The following AKAP9 variants were observed in gnomAD, a reference collection of about 807,000 sequenced individuals.
AKAP9 encodes A-kinase anchor protein 9.
AKAP9 carries 311 observed loss-of-function variants against 488.5 expected under a neutral mutation model. That is an observed-to-expected ratio of 0.64 (90% CI 0.58 to 0.70). The LOEUF (loss-of-function observed/expected upper bound fraction) is 0.70, where lower values mean the gene tolerates loss of function less well. AKAP9 is among the 30% of genes least tolerant of loss of function. The pLI is 0.00. For synonymous variants in AKAP9, 1,462 were observed against 1,483.5 expected (o/e 0.99, Z 0.33); for missense variants, 4,215 against 4,374.5 (o/e 0.96, Z 1.03).
At chr7:92,051,097 C>G (rs1807901862) in intron 21 of AKAP9, among the ~76,000 whole-genome samples, 1 of 152,042 alleles carries the variant, frequency 6.6e-6, no homozygotes, top group Non-Finnish European at 1.5e-5. Flanking sequence ...TATAGCAAAA[C>G]CCCTAAGGTT....
At position 92,063,401 on chromosome 7, in the gene AKAP9, A is replaced by G. The variant is rs371050826; in HGVS notation, c.5977+915A>G. 3.2e-5 allele frequency: 30 copies of G among 924,534 alleles called. No homozygotes were observed. The East Asian group carries it at 1.0e-3, about 32-fold the overall frequency. The allele number at this position is 924,534 out of a possible 1,614,324, so 57.3% of individuals were successfully genotyped here. A position where few individuals can be genotyped will look rare whatever the true frequency, so the allele number is the denominator to read the frequency against. On this transcript the variant is annotated intron_variant, in intron 24 of 49. Transcript: ENST00000356239. ...TGTGCATTATCCCATTTTAGGAAGT[A>G]GAAGACATATAAATTATACTTTTGT... is the stretch of plus-strand genomic sequence containing the variant.
intron 1 of AKAP9, among the ~76,000 whole-genome samples, chr7:91,966,076 A>G (rs921197780): frequency 4.6e-5 from 7 of 152,126 alleles, no homozygotes; most frequent in African/African-American, 1.7e-4. Context: ...TTGTAGAGAT[A>G]GATCTATGTC....
chr7:91,999,038 C>T (rs924800139), intron 7 of AKAP9, among the ~76,000 whole-genome samples: 14 of 152,040 alleles, frequency 9.2e-5, no homozygotes, highest in African/African-American at 3.4e-4. Context: ...TATGTGATAC[C>T]AAGGCACAAG....
rs765586191 is a variant in AKAP9 at position 91,992,184 on chromosome 7, A to G, written c.378A>G (p.Arg126=). Residue 126 remains arginine, a synonymous_variant, in exon 4 of 50, where the codon AGA becomes AGG. Coordinates refer to ENST00000356239, the MANE Select transcript of AKAP9 (RefSeq NM_005751.5). The part of the protein sequence containing the change: ...SEVNGCSFVM[R]TGKPTNLLRE... ...TAAATGGTTGCAGTTTTGTGATGAGAACAGGAAAGCCTACAAATTTATTAA... is the reference window on the plus strand; with the variant it reads ...TAAATGGTTGCAGTTTTGTGATGAGGACAGGAAAGCCTACAAATTTATTAA... 6.2e-7 allele frequency: 1 copy of G among 1,609,696 alleles called. No homozygotes were observed. The highest frequency in any genetic ancestry group is 8.5e-7 in the Non-Finnish European group (1 of 1,176,132).
chr7:92,073,134 G>A (rs935806455), intron 28 of AKAP9, among the ~76,000 whole-genome samples: 1 of 152,074 alleles, frequency 6.6e-6, no homozygotes. Flanking sequence ...ACTAGCGGTG[G>A]ACGTCAAGGA....
At chr7:91,991,572 C>T (rs933643860) in intron 3 of AKAP9, among the ~76,000 whole-genome samples, 6 of 151,454 alleles carry the variant, frequency 4.0e-5, no homozygotes, top group East Asian at 1.9e-4. Context: ...CCTGGGTTCA[C>T]GCCATTCTCC....
intron 17 of AKAP9, 28 bp from the exon 18 acceptor site, chr7:92,040,646 G>GTTTTTTTTTTT: frequency 8.9e-7 from 1 of 1,118,614 alleles, no homozygotes; most frequent in Non-Finnish European, 1.3e-6. Context: ...TGGTTGAATT[G>GTTTTTTTTTTT]TTTTTTTTTT....
At chr7:92,062,566 T>TGAATTTGC in intron 24 of AKAP9, 80 bp downstream of exon 24, 1 of 1,122,096 alleles carries the variant, frequency 8.9e-7, no homozygotes, top group Admixed American at 1.9e-5. Flanking sequence ...GCTTTTTTCC[T>TGAATTTGC]CTTTCAGTGC....
intron 16 of AKAP9, 141 bp downstream of exon 16, chr7:92,031,745 A>G: frequency 1.5e-6 from 1 of 671,812 alleles, no homozygotes; most frequent in Non-Finnish European, 2.5e-6. Flanking sequence ...AATATCAATT[A>G]TAGTTGCCTT....
intron 12 of AKAP9, among the ~76,000 whole-genome samples, chr7:92,020,024 A>G (rs1474930548): frequency 6.6e-6 from 1 of 152,102 alleles, no homozygotes; most frequent in Non-Finnish European, 1.5e-5. Context: ...AAAAAAAAAA[A>G]TAGAAAAGAA....
At chr7:91,992,030 G>A in intron 3 of AKAP9, 128 bp from the exon 4 acceptor site, 2 of 768,780 alleles carry the variant, frequency 2.6e-6, no homozygotes, top group Non-Finnish European at 2.3e-6. Flanking sequence ...CTCTGTATCT[G>A]TTTTCGCCAA....
intron 12 of AKAP9, among the ~76,000 whole-genome samples, chr7:92,018,765 G>A (rs963717645): frequency 4.6e-5 from 7 of 151,978 alleles, no homozygotes; most frequent in Non-Finnish European, 7.4e-5. Context: ...TTTGATCCTC[G>A]TAATCTGAAT....
chr7:91,981,724 T>C (rs1028084789), intron 3 of AKAP9, among the ~76,000 whole-genome samples: 2 of 150,688 alleles, frequency 1.3e-5, no homozygotes, highest in African/African-American at 4.9e-5. Flanking sequence ...ATTCTCTGCC[T>C]CAGCTTCCCA....
chr7:92,103,387 C>CAAAAAAA (rs898565298), intron 46 of AKAP9, among the ~76,000 whole-genome samples: 2 of 25,902 alleles, frequency 7.7e-5, no homozygotes, highest in African/African-American at 2.0e-4. Flanking sequence ...GAGACTCTGT[C>CAAAAAAA]AAAAAAAAAA....
chr7:91,970,179 A>G (rs1794880383), intron 1 of AKAP9, among the ~76,000 whole-genome samples: 1 of 152,118 alleles, frequency 6.6e-6, no homozygotes, highest in Non-Finnish European at 1.5e-5. Context: ...AAAGAAAATA[A>G]TGGAAACAAA....
At chr7:91,941,197 A>T in intron 1 of AKAP9, 50 bp downstream of exon 1, 1 of 1,539,872 alleles carries the variant, frequency 6.5e-7, no homozygotes. Context: ...GGTGGCTAGC[A>T]CGGGGTGGGA....
intron 8 of AKAP9, among the ~76,000 whole-genome samples, chr7:92,007,915 A>G (rs994911953): frequency 6.6e-6 from 1 of 152,240 alleles, no homozygotes; most frequent in Non-Finnish European, 1.5e-5. Context: ...ATAAATATTG[A>G]AAACAAGTTA....
chr7:92,098,248 G>A, intron 43 of AKAP9, 34 bp downstream of exon 43: 1 of 1,293,832 alleles, frequency 7.7e-7, no homozygotes, highest in Non-Finnish European at 1.1e-6. Flanking sequence ...CTGAAGCATT[G>A]AGAGCAAAGA....
At chr7:92,043,640 C>G (rs1328996180) in intron 20 of AKAP9, among the ~76,000 whole-genome samples, 1 of 151,954 alleles carries the variant, frequency 6.6e-6, no homozygotes, top group Non-Finnish European at 1.5e-5. Flanking sequence ...GGAAATAAAA[C>G]CCTTGGCTTC....
Sources: gnomAD v4.1 joint callset for allele counts (sites outside exome capture counted in the v4.1 genomes callset) on GRCh38, gnomAD v4.1.1 for gene constraint, MANE v1.5 for transcripts, NCBI Gene and HGNC (gene_info 2026-07-23, HGNC 2026-07-21) for gene names.